RABGAP1L: variants seen among roughly 807,000 people sequenced by gnomAD.
RABGAP1L encodes the protein rab GTPase-activating protein 1-like.
A neutral mutation model predicts 137.7 loss-of-function variants in RABGAP1L; 63 were observed. The ratio of observed to expected loss-of-function variants is 0.46; its 90% confidence interval spans 0.37 to 0.56. RABGAP1L has a LOEUF of 0.56. Ranked by LOEUF, RABGAP1L falls within the 20% of genes least tolerant of loss-of-function variation. The pLI is 0.00. For missense variants in RABGAP1L, 1,095 were observed against 1,244.0 expected, an observed-to-expected ratio of 0.88 and a Z score of 1.80; for synonymous variants, 431 against 433.7, an observed-to-expected ratio of 0.99 and a Z score of 0.08.
intron 13 of RABGAP1L, among the ~76,000 whole-genome samples, chr1:174,483,803 A>G (rs1471456554): frequency 1.3e-5 from 2 of 151,356 alleles, no homozygotes; most frequent in East Asian, 3.9e-4. Flanking sequence ...CACCAGCCTG[A>G]GTGACAACTC....
chr1:174,528,153 T>C lies in RABGAP1L; in HGVS notation c.1711-109222T>C, dbSNP rs565677986. 4.6e-5 allele frequency among the ~76,000 whole-genome samples: 7 copies of C among 152,258 alleles called. 1 individual carries two copies. The South Asian group carries it at 1.4e-3, about 32-fold the overall frequency. On this transcript the variant is annotated intron_variant, in intron 13 of 25. Coordinates refer to ENST00000681986, the MANE Select transcript of RABGAP1L (RefSeq NM_001366446.1). ...TTAATTCATTTATATTCTAGGTGGTTATTAATATATAACATTTTGTTGCTG... is the reference window on the plus strand; with the variant it reads ...TTAATTCATTTATATTCTAGGTGGTCATTAATATATAACATTTTGTTGCTG...
At chr1:174,376,837 G>C (rs1434163100) in intron 12 of RABGAP1L, among the ~76,000 whole-genome samples, 2 of 152,104 alleles carry the variant, frequency 1.3e-5, no homozygotes, top group Non-Finnish European at 2.9e-5. Context: ...CTTAGTACTA[G>C]AGGTCTTAGC....
At chr1:174,901,859 G>A (rs757318736) in intron 19 of RABGAP1L, among the ~76,000 whole-genome samples, 1 of 152,128 alleles carries the variant, frequency 6.6e-6, no homozygotes, top group Non-Finnish European at 1.5e-5. Context: ...TGAGGTTTTT[G>A]TGGGGTCTTT....
At chr1:174,668,041 C>T (rs1034673005) in intron 14 of RABGAP1L, among the ~76,000 whole-genome samples, 2 of 151,906 alleles carry the variant, frequency 1.3e-5, no homozygotes, top group African/African-American at 4.8e-5. Context: ...TTTTTTTCCC[C>T]AAAACTGTTA....
chr1:174,320,989 G>A (rs895242575), intron 11 of RABGAP1L, among the ~76,000 whole-genome samples: 4 of 152,258 alleles, frequency 2.6e-5, no homozygotes, highest in Non-Finnish European at 1.5e-5. Context: ...AAAGTGAATA[G>A]GAGAAATATT....
At chr1:174,285,780 T>G (rs1248525964) in intron 10 of RABGAP1L, among the ~76,000 whole-genome samples, 2 of 152,164 alleles carry the variant, frequency 1.3e-5, no homozygotes, top group Non-Finnish European at 2.9e-5. Flanking sequence ...TATACCCAAT[T>G]TATTGGGCAT....
chr1:174,211,648 A>G (rs1668892635), intron 1 of RABGAP1L, among the ~76,000 whole-genome samples: 2 of 152,164 alleles, frequency 1.3e-5, no homozygotes, highest in Non-Finnish European at 2.9e-5. Context: ...GTGAATGTAA[A>G]TGGATTAAAC....
chr1:174,639,679 A>G (rs548907894), intron 14 of RABGAP1L, among the ~76,000 whole-genome samples: 1 of 152,256 alleles, frequency 6.6e-6, no homozygotes, highest in African/African-American at 2.4e-5. Context: ...CTTCTGACTT[A>G]ACATTTTGCT....
At chr1:174,269,617 A>G (rs1352190954) in intron 7 of RABGAP1L, among the ~76,000 whole-genome samples, 1 of 152,232 alleles carries the variant, frequency 6.6e-6, no homozygotes, top group African/African-American at 2.4e-5. Flanking sequence ...ATCTATTATT[A>G]TGATAATAAT....
chr1:174,247,567 C>CATGTT (rs370766980), intron 5 of RABGAP1L, among the ~76,000 whole-genome samples: 3 of 152,310 alleles, frequency 2.0e-5, no homozygotes, highest in South Asian at 2.1e-4. Flanking sequence ...CATTAGAAAC[C>CATGTT]GGGTCCACCC....
At chr1:174,682,877 A>G (rs974536210) in intron 14 of RABGAP1L, among the ~76,000 whole-genome samples, 18 of 152,196 alleles carry the variant, frequency 1.2e-4, no homozygotes, top group Non-Finnish European at 2.6e-4. Context: ...AGCACTTGAA[A>G]TATCAGTTAT....
At chr1:174,581,881 G>A (rs1251059392) in intron 13 of RABGAP1L, among the ~76,000 whole-genome samples, 2 of 152,178 alleles carry the variant, frequency 1.3e-5, no homozygotes, top group Non-Finnish European at 2.9e-5. Context: ...CTAAAAGGAA[G>A]GAGAATGCAT....
intron 7 of RABGAP1L, among the ~76,000 whole-genome samples, chr1:174,260,899 T>G (rs1293759480): frequency 6.7e-6 from 1 of 149,754 alleles, no homozygotes; most frequent in African/African-American, 2.6e-5. Context: ...CTCTGTCTAG[T>G]TGATTTTTTT....
intron 11 of RABGAP1L, among the ~76,000 whole-genome samples, chr1:174,337,961 CTG>C (rs1430453781): frequency 6.6e-5 from 10 of 152,224 alleles, no homozygotes; most frequent in African/African-American, 2.4e-4. Flanking sequence ...TTAAGGAATA[CTG>C]TGAAACATTG....
chr1:174,604,998 G>A (rs1408789187), intron 13 of RABGAP1L, among the ~76,000 whole-genome samples: 1 of 152,096 alleles, frequency 6.6e-6, no homozygotes, highest in African/African-American at 2.4e-5. Flanking sequence ...AAAATTTGCT[G>A]GGCGTGGTGG....
intron 18 of RABGAP1L, among the ~76,000 whole-genome samples, chr1:174,772,727 T>C (rs1383518139): frequency 6.6e-6 from 1 of 152,160 alleles, no homozygotes; most frequent in African/African-American, 2.4e-5. Flanking sequence ...ACCTGTTAAA[T>C]AGTAACTCCC....
chr1:174,319,704 A>C (rs1398914408), intron 11 of RABGAP1L, among the ~76,000 whole-genome samples: 1 of 152,182 alleles, frequency 6.6e-6, no homozygotes, highest in Non-Finnish European at 1.5e-5. Flanking sequence ...TTCTTTATCA[A>C]GGTGAGGAAG....
intron 13 of RABGAP1L, among the ~76,000 whole-genome samples, chr1:174,497,531 T>TC (rs372911682): frequency 1.2e-4 from 18 of 152,292 alleles, no homozygotes; most frequent in African/African-American, 4.3e-4. Flanking sequence ...TCTCCCCCAC[T>TC]CCCTTGTCCC....
At chr1:174,536,916 T>G (rs948509044) in intron 13 of RABGAP1L, among the ~76,000 whole-genome samples, 5 of 152,172 alleles carry the variant, frequency 3.3e-5, no homozygotes, top group Non-Finnish European at 7.4e-5. Context: ...TTAAAACAAT[T>G]TTCTTTGGGG....
Sources: allele counts gnomAD v4.1 joint callset (sites outside exome capture counted in the v4.1 genomes callset), GRCh38; gene constraint gnomAD v4.1.1; transcripts MANE v1.5; gene names NCBI Gene and HGNC (gene_info 2026-07-23, HGNC 2026-07-21).